MOK: variants seen among roughly 807,000 people sequenced by gnomAD.
MOK encodes MAPK/MAK/MRK overlapping kinase.
In MOK, 59 loss-of-function variants were observed where a neutral mutation model predicts 54.2. That is an observed-to-expected ratio of 1.09 (90% confidence interval 0.88 to 1.35). The LOEUF (loss-of-function observed/expected upper bound fraction) is 1.35. Ranked by LOEUF, MOK falls within the 40% of genes most tolerant of loss-of-function variation. MOK has a pLI of 0.00. For synonymous variants in MOK, 210 were observed against 202.7 expected (o/e 1.04, Z -0.31); for missense variants, 517 against 526.2 (o/e 0.98, Z 0.17).
At chr14:102,241,648 C>T (rs1355946603) in intron 7 of MOK, among the ~76,000 whole-genome samples, 2 of 152,198 alleles carry the variant, frequency 1.3e-5, no homozygotes, top group Non-Finnish European at 2.9e-5. Context: ...ACCCAATCTG[C>T]TCCTGACATT....
rs1454516281 is a variant in MOK, at chr14:102,299,113, C to G, written c.7+5849G>C. The stretch of plus-strand genomic sequence containing the variant: ...GTCAGTGAGACCAAGAACCCACCAA[C>G]TGCGGACACACCAGCATTTAAGAAA... On this transcript the variant is annotated intron_variant, in intron 1 of 11. Transcript: ENST00000361847. Among the ~76,000 whole-genome samples the G allele has an allele frequency of 2.0e-5, 3 of 152,174 alleles. No homozygotes were observed. In the East Asian group the frequency reaches 5.8e-4, roughly 29 times the overall value.
intron 7 of MOK, among the ~76,000 whole-genome samples, chr14:102,248,406 C>A (rs996071977): frequency 6.6e-6 from 1 of 152,058 alleles, no homozygotes; most frequent in Non-Finnish European, 1.5e-5. Flanking sequence ...TTTCCCTACA[C>A]CCTTCTGTAA....
intron 2 of MOK, among the ~76,000 whole-genome samples, chr14:102,274,059 T>A (rs1012630518): frequency 1.3e-5 from 2 of 151,382 alleles, no homozygotes; most frequent in Non-Finnish European, 2.9e-5. Context: ...CTGGGTTCAC[T>A]CCATTCTCCT....
Position 102,233,775 on chromosome 14 carries a change from A to G in MOK, c.605T>C (p.Phe202Ser). 6.2e-7 allele frequency: 1 copy of G among 1,613,770 alleles called. No homozygotes were observed. The highest frequency in any genetic ancestry group is 8.5e-7 in the Non-Finnish European group (1 of 1,179,712). The change falls in exon 8 of 12, where the codon TTT (phenylalanine) becomes TCT (serine). Residue 202 changes from phenylalanine (F) to serine (S), a missense_variant. Transcript: ENST00000361847. Reference sequence around the variant, plus strand: ...TTGGTCCAGTTCATTTACTCCAGGAAAGAGGGGCTGCAGACTGGAAGGGCA... The same window carrying G: ...TTGGTCCAGTTCATTTACTCCAGGAGAGAGGGGCTGCAGACTGGAAGGGCA... Reference protein sequence around the residue: ...FYEIASLQPLFPGVNELDQIS... With the variant: ...FYEIASLQPLSPGVNELDQIS...
chr14:102,241,864 G>T (rs56870778), intron 7 of MOK, among the ~76,000 whole-genome samples: 2 of 152,144 alleles, frequency 1.3e-5, no homozygotes, highest in African/African-American at 2.4e-5. Context: ...GCAGTGGCCA[G>T]GCGTTCCTCC....
downstream of MOK, among the ~76,000 whole-genome samples, chr14:102,228,211 A>G (rs79090011): frequency 4.6e-3 from 705 of 152,064 alleles, 6 homozygotes; most frequent in African/African-American, 0.016. Flanking sequence ...AGGGCTCCAT[A>G]CTCCCCAGAG....
chr14:102,287,458 T>C (rs2070257255), intron 1 of MOK, among the ~76,000 whole-genome samples: 1 of 152,154 alleles, frequency 6.6e-6, no homozygotes, highest in African/African-American at 2.4e-5. Context: ...ATATAAAAAT[T>C]AGCTGAGCAT....
rs1267567644 is a variant in MOK at position 102,235,609 on chromosome 14, G to T, written c.591-1820C>A. The T allele has an allele frequency of 2.6e-5, 4 of 152,170 alleles. No homozygotes were observed. Among genetic ancestry groups the T allele is most frequent in the Admixed American group, 2.6e-4 (4 of 15,274 alleles). 9.4% of individuals were successfully genotyped at this position (152,170 alleles called of 1,614,324 possible). On this transcript the variant is annotated intron_variant, in intron 7 of 11. Transcript: ENST00000361847. The surrounding 1 kb of genome is among the most constrained non-coding windows in gnomAD (Gnocchi z 4.4). ...AGGCCTTAACAAAACTGCCCATAAGGCTGTAAATTTCGAAAAACTCAAAGG... is the reference window on the plus strand; with the variant it reads ...AGGCCTTAACAAAACTGCCCATAAGTCTGTAAATTTCGAAAAACTCAAAGG...
rs944885055 is a variant in MOK at position 102,281,310 on chromosome 14, C to G, written c.122+2168G>C. On this transcript the variant is annotated intron_variant, in intron 2 of 11. Transcript: ENST00000361847. ...CTGCTCTCCAGCCTAGGTGACAATG[C>G]GAGACTCTGTCTCAAAAAAAAAAAA... is the stretch of plus-strand genomic sequence containing the variant. Among the ~76,000 whole-genome samples the G allele has an allele frequency of 2.7e-5, 4 of 149,716 alleles. No homozygotes were observed. In the Admixed American group the frequency reaches 2.7e-4, roughly 10 times the overall value.
chr14:102,289,344 C>T (rs1198949667), intron 1 of MOK, among the ~76,000 whole-genome samples: 4 of 151,958 alleles, frequency 2.6e-5, no homozygotes, highest in Non-Finnish European at 5.9e-5. Context: ...CAAAGAAACA[C>T]AGACTGAGAA....
Position 102,229,133 on chromosome 14 carries a change from G to A in MOK, c.*156C>T, listed in dbSNP as rs1419002033. 6.8e-5 allele frequency: 49 copies of A among 723,736 alleles called. 1 individual carries two copies. The highest frequency in any genetic ancestry group is 1.6e-4 in the South Asian group (8 of 49,958). The allele number at this position is 723,736 out of a possible 1,614,324, so 44.8% of individuals were successfully genotyped here. A position where few individuals can be genotyped will look rare whatever the true frequency, so the allele number is the denominator to read the frequency against. ...CTAGGCAGCTGCGCGGGCCGCGGGT[G>A]CGGCAGGGCGCAGGGCAGCACCCAG... is the stretch of plus-strand genomic sequence containing the variant. On this transcript the variant is annotated 3_prime_UTR_variant, in exon 12 of 12. Transcript: ENST00000361847.
chr14:102,284,097 C>T (rs60166017), intron 1 of MOK, among the ~76,000 whole-genome samples: 8,256 of 152,098 alleles, frequency 0.054, 288 homozygotes, highest in African/African-American at 0.1. Context: ...TGTGCTGCCA[C>T]CACATCACCC....
downstream of MOK, among the ~76,000 whole-genome samples, chr14:102,223,954 A>C (rs1221857152): frequency 6.6e-6 from 1 of 152,136 alleles, no homozygotes; most frequent in Non-Finnish European, 1.5e-5. Context: ...TCGTCATTGA[A>C]AGCCTGTGAC....
intron 4 of MOK, among the ~76,000 whole-genome samples, chr14:102,256,348 A>G (rs1239883306): frequency 1.3e-5 from 2 of 151,586 alleles, no homozygotes; most frequent in African/African-American, 4.9e-5. Flanking sequence ...GCGGATCACG[A>G]GGTCAGGAGA....
intron 4 of MOK, among the ~76,000 whole-genome samples, chr14:102,252,281 C>A (rs111356689): frequency 1.3e-5 from 2 of 151,832 alleles, no homozygotes; most frequent in African/African-American, 4.8e-5. Flanking sequence ...ATGGTGAAAC[C>A]CCATATCTAC....
chr14:102,261,839 T>C (rs1440923623), intron 4 of MOK, among the ~76,000 whole-genome samples: 1 of 151,020 alleles, frequency 6.6e-6, no homozygotes, highest in African/African-American at 2.4e-5. Flanking sequence ...GCCCGGCCTT[T>C]TTTATTTTTT....
rs994022444 is a variant in MOK, at chr14:102,245,951, A to G, written c.590+4861T>C. The G allele has an allele frequency of 2.0e-5, 3 of 152,962 alleles. No homozygotes were observed. The highest frequency in any genetic ancestry group is 7.2e-5 in the African/African-American group (3 of 41,452). The allele number at this position is 152,962 out of a possible 1,614,324, so 9.5% of individuals were successfully genotyped here. A position where few individuals can be genotyped will look rare whatever the true frequency, so the allele number is the denominator to read the frequency against. Reference sequence around the variant, plus strand: ...ACATCCATCCCAGAAGAAACTTCACATCAGTAAATCCATCCATCTCAAACA... The same window carrying G: ...ACATCCATCCCAGAAGAAACTTCACGTCAGTAAATCCATCCATCTCAAACA... On this transcript the variant is annotated intron_variant, in intron 7 of 11. Coordinates refer to ENST00000361847, the MANE Select transcript of MOK (RefSeq NM_014226.3). This position sits in a 1 kb window ranked among gnomAD's most constrained non-coding sequence, Gnocchi z 4.3.
At position 102,265,875 on chromosome 14, in the gene MOK, G is replaced by A; in HGVS notation, c.160C>T (p.Leu54=). 6.2e-7 allele frequency: 1 copy of A among 1,614,026 alleles called. No homozygotes were observed. The highest frequency in any genetic ancestry group is 8.5e-7 in the Non-Finnish European group (1 of 1,179,920). The part of the protein sequence containing the change: ...QVNNLREIQA[L]RRLNPHPNIL... Reference sequence around the variant, plus strand: ...TTTGGGTGCGGATTCAGGCGCCTCAGTGCTTGGATCTCTCGTAGGTTGTTG... The same window carrying A: ...TTTGGGTGCGGATTCAGGCGCCTCAATGCTTGGATCTCTCGTAGGTTGTTG... The change falls in exon 3 of 12, where the codon CTG becomes TTG. Residue 54 remains leucine (L), a synonymous_variant. Transcript: ENST00000361847.
Position 102,293,030 on chromosome 14 carries a change from G to C in MOK, c.8-9438C>G, listed in dbSNP as rs116520820. 4.6e-3 allele frequency among the ~76,000 whole-genome samples: 702 copies of C among 152,294 alleles called. 6 individuals are homozygous for C. Among genetic ancestry groups the C allele is most frequent in the African/African-American group, 0.016 (651 of 41,574 alleles). On this transcript the variant is annotated intron_variant, in intron 1 of 11. Coordinates refer to ENST00000361847, the MANE Select transcript of MOK (RefSeq NM_014226.3). ...CACCTGCAATCCCAGCTGCTAGCAAGGCTGAGGCATAAGAATCGCTTGAAC... is the reference window on the plus strand; with the variant it reads ...CACCTGCAATCCCAGCTGCTAGCAACGCTGAGGCATAAGAATCGCTTGAAC...
Sources: gnomAD v4.1 joint callset for allele counts (sites outside exome capture counted in the v4.1 genomes callset) on GRCh38, gnomAD v4.1.1 for gene constraint, Gnocchi (gnomAD v3.1) non-coding constraint, MANE v1.5 for transcripts, NCBI Gene and HGNC (gene_info 2026-07-23, HGNC 2026-07-21) for gene names.